The following KIR3DL3 variants were observed in gnomAD, a reference collection of about 807,000 sequenced individuals.
KIR3DL3 encodes killer cell immunoglobulin-like receptor 3DL3.
Under a neutral mutation model 34.9 loss-of-function variants are expected in KIR3DL3, and 27 were observed. The observed-to-expected ratio is 0.77, with a 90% CI of 0.57 to 1.07. KIR3DL3 has a LOEUF of 1.07. Among genes scored for constraint, KIR3DL3 ranks in the 50% least tolerant of loss-of-function variants. The pLI, the probability that KIR3DL3 is intolerant of heterozygous loss-of-function variation, is 0.00. For synonymous variants in KIR3DL3, 217 were observed against 200.2 expected (o/e 1.08, Z -0.71); for missense variants, 681 against 528.5 (o/e 1.29, Z -2.83).
At chr19:54,732,904 G>A (rs1371926608) in intron 5 of KIR3DL3, among the ~76,000 whole-genome samples, 3 of 152,078 alleles carry the variant, frequency 2.0e-5, no homozygotes, top group Non-Finnish European at 4.4e-5. Context: ...AGCTAACTAG[G>A]AATCCCTACC....
intron 5 of KIR3DL3, among the ~76,000 whole-genome samples, chr19:54,731,181 T>C (rs2068752762): frequency 6.6e-6 from 1 of 152,010 alleles, no homozygotes; most frequent in African/African-American, 2.4e-5. Context: ...AATTTTTATA[T>C]TTTTAGTAGA....
chr19:54,732,227 G>GT (rs368274046), intron 5 of KIR3DL3, among the ~76,000 whole-genome samples: 3 of 149,110 alleles, frequency 2.0e-5, no homozygotes, highest in East Asian at 4.0e-4. Flanking sequence ...CAAATCTGGG[G>GT]TTTTTTGTGT....
At position 54,735,280 on chromosome 19, in the gene KIR3DL3, T is replaced by A; in HGVS notation, c.977T>A (p.Ile326Asn). The A allele has an allele frequency of 6.6e-7, 1 of 1,525,214 alleles. No homozygotes were observed. Among genetic ancestry groups the A allele is most frequent in the Non-Finnish European group, 9.0e-7 (1 of 1,106,846 alleles). 94.5% of individuals were successfully genotyped at this position (1,525,214 alleles called of 1,614,324 possible). Residue 326 changes from isoleucine (I) to asparagine (N), a missense_variant, in exon 6 of 8, where the codon ATT (isoleucine) becomes AAT (asparagine). By Grantham distance (149) the Ile-to-Asn change is moderately radical. Transcript: ENST00000291860. ...TGNSRNLHVL[I>N]GTSVVIIPFA... ...AACTCCAGAAACCTGCACGTTCTGA[T>A]TGGGACCTCAGTGGTCATCATCCCC... is the stretch of plus-strand genomic sequence containing the variant.
At chr19:54,727,227 G>A (rs894513709) in intron 3 of KIR3DL3, among the ~76,000 whole-genome samples, 3 of 116,936 alleles carry the variant, frequency 2.6e-5, no homozygotes, top group South Asian at 3.2e-4. Flanking sequence ...TGATGAGTTC[G>A]TACCTCCTGC....
At position 54,735,294 on chromosome 19, in the gene KIR3DL3, G is replaced by T. The variant is rs761783281; in HGVS notation, c.991G>T (p.Val331Phe). Reference protein sequence around the residue: ...NLHVLIGTSVVIIPFAILLFF... With the variant: ...NLHVLIGTSVFIIPFAILLFF... ...GCACGTTCTGATTGGGACCTCAGTG[G>T]TCATCATCCCCTTTGCTATCCTCCT... The change falls in exon 6 of 8, where the codon GTC becomes TTC. Residue 331 changes from valine to phenylalanine, a missense_variant. Transcript: ENST00000291860. 2.6e-6 allele frequency: 4 copies of T among 1,527,114 alleles called. No individual in the cohort carries two copies. Among genetic ancestry groups the T allele is most frequent in the Admixed American group, 1.7e-5 (1 of 58,686 alleles). The allele number at this position is 1,527,114 out of a possible 1,614,324, so 94.6% of individuals were successfully genotyped here.
rs1600206738 is a variant in KIR3DL3, at chr19:54,731,768, A to G, written c.949+1982A>G. On this transcript the variant is annotated intron_variant, in intron 5 of 7. Coordinates refer to ENST00000291860, the MANE Select transcript of KIR3DL3 (RefSeq NM_153443.5). The stretch of plus-strand genomic sequence containing the variant: ...CCCCTTCCTCCTTCCTCCTTCCTCA[A>G]AGCCCACAAAGGCTGGTCACGTCTC... Among the ~76,000 whole-genome samples the G allele has an allele frequency of 2.0e-5, 3 of 151,682 alleles. No homozygotes were observed. The East Asian group carries it at 5.8e-4, about 29-fold the overall frequency.
At chr19:54,726,494 T>C (rs1204118047) in intron 3 of KIR3DL3, among the ~76,000 whole-genome samples, 157 bp downstream of exon 3, 3 of 147,536 alleles carry the variant, frequency 2.0e-5, no homozygotes, top group South Asian at 2.2e-4. Flanking sequence ...GTGGGAAGAA[T>C]AATTGTCCCC....
chr19:54,728,953 A>G (rs1273882468), intron 4 of KIR3DL3, among the ~76,000 whole-genome samples: 1 of 148,168 alleles, frequency 6.7e-6, no homozygotes, highest in Non-Finnish European at 1.5e-5. Flanking sequence ...TAGATAGACA[A>G]GTAGAAAGAC....
At chr19:54,729,174 G>A (rs1314965679) in intron 4 of KIR3DL3, among the ~76,000 whole-genome samples, 1 of 149,412 alleles carries the variant, frequency 6.7e-6, no homozygotes, top group African/African-American at 2.5e-5. Context: ...TATGCAGAAA[G>A]TTATGAGCAA....
In KIR3DL3 at chr19:54,726,409, A is replaced by G. The variant is rs1233189438; in HGVS notation, c.355+72A>G. Reference sequence around the variant, plus strand: ...CCCAGAGCTTCTGGTGGGGGCGTCCATCAGGGTCCAATCATCCAGGCCCCG... The same window carrying G: ...CCCAGAGCTTCTGGTGGGGGCGTCCGTCAGGGTCCAATCATCCAGGCCCCG... On this transcript the variant is annotated intron_variant, in intron 3 of 7. Transcript: ENST00000291860. 4,346 of 1,545,878 alleles carry G rather than the reference A, an allele frequency of 2.8e-3. 9 individuals are homozygous for G. Among genetic ancestry groups the G allele is most frequent in the Non-Finnish European group, 3.0e-3 (3,494 of 1,150,822 alleles).
At chr19:54,732,232 T>TG (rs2068881083) in intron 5 of KIR3DL3, among the ~76,000 whole-genome samples, 2 of 147,302 alleles carry the variant, frequency 1.4e-5, no homozygotes, top group East Asian at 2.0e-4. Flanking sequence ...CTGGGGTTTT[T>TG]TGTGTGTGTG....
intron 5 of KIR3DL3, among the ~76,000 whole-genome samples, chr19:54,735,020 A>T (rs1408803343): frequency 1.4e-5 from 2 of 141,944 alleles, no homozygotes; most frequent in East Asian, 4.0e-4. Flanking sequence ...TGGGGGTTAC[A>T]TTTCAATGTG....
At position 54,727,907 on chromosome 19, in the gene KIR3DL3, G is replaced by A. The variant is rs767458176; in HGVS notation, c.652G>A (p.Val218Ile). The change falls in exon 4 of 8, where the codon GTA (valine) becomes ATA (isoleucine). Residue 218 changes from valine to isoleucine, a missense_variant. Coordinates refer to ENST00000291860, the MANE Select transcript of KIR3DL3 (RefSeq NM_153443.5). ...APSDPLDIVV[V>I]GLYGKPSLSA... ...CAGTGACCCTCTGGACATCGTGGTC[G>A]TAGGTGAGAGAATACAGACCTGCCT... is the stretch of plus-strand genomic sequence containing the variant. 36 of 1,606,670 alleles carry A rather than the reference G, an allele frequency of 2.2e-5. No homozygotes were observed. Among genetic ancestry groups the A allele is most frequent in the African/African-American group, 9.4e-5 (7 of 74,778 alleles).
chr19:54,724,551 G>A (rs113289977), intron 1 of KIR3DL3, 21 bp downstream of exon 1: 57,289 of 1,607,210 alleles, frequency 0.036, 1,227 homozygotes, highest in Middle Eastern at 0.082. Context: ...GAAGGGAATC[G>A]AGGGAGGGAG....
At position 54,726,756 on chromosome 19, in the gene KIR3DL3, G is replaced by C. The variant is rs1211720218; in HGVS notation, c.355+419G>C. Reference sequence around the variant, plus strand: ...CAGCGGGCTTTGAAGATGGGGGAAGGCCATGAGCCACAAAGGCAGGTGGCC... The same window carrying C: ...CAGCGGGCTTTGAAGATGGGGGAAGCCCATGAGCCACAAAGGCAGGTGGCC... On this transcript the variant is annotated intron_variant, in intron 3 of 7. Transcript: ENST00000291860. Among the ~76,000 whole-genome samples, 2 of 138,980 alleles carry C rather than the reference G, an allele frequency of 1.4e-5. 1 individual carries two copies. The highest frequency in any genetic ancestry group is 5.3e-5 in the African/African-American group (2 of 37,624). 91.2% of individuals were successfully genotyped at this position (138,980 alleles called of 152,430 possible). A position where few individuals can be genotyped will look rare whatever the true frequency, so the allele number is the denominator to read the frequency against.
At chr19:54,725,917 G>A in intron 2 of KIR3DL3, 136 bp from the exon 3 acceptor site, 1 of 776,090 alleles carries the variant, frequency 1.3e-6, no homozygotes, top group Non-Finnish European at 2.1e-6. Flanking sequence ...ATGCGGGATG[G>A]GTCCTTCCTG....
intron 5 of KIR3DL3, among the ~76,000 whole-genome samples, chr19:54,732,078 C>T (rs1455441634): frequency 1.3e-5 from 2 of 152,162 alleles, no homozygotes; most frequent in Non-Finnish European, 2.9e-5. Context: ...CATTCTCCTG[C>T]CTTCCACAAA....
Position 54,726,240 on chromosome 19 carries a change from C to T in KIR3DL3, c.258C>T (p.Thr86=), listed in dbSNP as rs753733187. ...FRNSFLMGPV[T]PAHAGTYRCC... is the part of the protein sequence containing the mutation. ...ACAGCTTTCTCATGGGCCCTGTGAC[C>T]CCAGCACATGCAGGGACCTACAGAT... Residue 86 remains threonine (T), a synonymous_variant, in exon 3 of 8, where the codon ACC becomes ACT. Transcript: ENST00000291860. The T allele has an allele frequency of 2.2e-5, 36 of 1,613,752 alleles. No homozygotes were observed. Among genetic ancestry groups the T allele is most frequent in the Non-Finnish European group, 2.8e-5 (33 of 1,179,978 alleles).
Position 54,724,680 on chromosome 19 carries a change from G to C in KIR3DL3, c.34+150G>C, listed in dbSNP as rs1269236993. The C allele has an allele frequency of 2.1e-6, 3 of 1,420,714 alleles. No individual in the cohort carries two copies. In the East Asian group the frequency reaches 7.0e-5, roughly 33 times the overall value. 88.0% of individuals were successfully genotyped at this position (1,420,714 alleles called of 1,614,324 possible). ...GGGCCTGGGGTGGAGATATGGGCCT[G>C]GAGTGGAGATATGGGCCTGGAACTG... is the stretch of plus-strand genomic sequence containing the variant. On this transcript the variant is annotated intron_variant, in intron 1 of 7. Coordinates refer to ENST00000291860, the MANE Select transcript of KIR3DL3 (RefSeq NM_153443.5).
Sources: gnomAD v4.1 joint callset for allele counts (sites outside exome capture counted in the v4.1 genomes callset) on GRCh38, gnomAD v4.1.1 for gene constraint, MANE v1.5 for transcripts, NCBI Gene and HGNC (gene_info 2026-07-23, HGNC 2026-07-21) for gene names.